SF3B2: variants seen among roughly 807,000 people sequenced by gnomAD.
SF3B2 encodes the protein SAP 145.
A neutral mutation model predicts 116.3 loss-of-function variants in SF3B2; 22 were observed. The observed-to-expected ratio is 0.19, with a 90% CI of 0.14 to 0.27. SF3B2 has a LOEUF of 0.27. SF3B2 is among the 10% of genes least tolerant of loss of function. The pLI is 1.00. For missense variants in SF3B2, 767 were observed against 1,151.4 expected, an observed-to-expected ratio of 0.67 and a Z score of 4.83; for synonymous variants, 406 against 421.6, an observed-to-expected ratio of 0.96 and a Z score of 0.45.
intron 21 of SF3B2, 41 bp downstream of exon 21, chr11:66,068,374 G>A: frequency 6.6e-7 from 1 of 1,507,186 alleles, no homozygotes; most frequent in Non-Finnish European, 8.8e-7. Context: ...GAGAGCCAGG[G>A]ACCCTGGCCT....
chr11:66,057,392 AT>A lies in SF3B2; in HGVS notation c.777+19del, dbSNP rs747292956. 8.8e-7 allele frequency: 1 copy of A among 1,133,930 alleles called. No homozygotes were observed. 70.2% of individuals were successfully genotyped at this position (1,133,930 alleles called of 1,614,324 possible). A position where few individuals can be genotyped will look rare whatever the true frequency, so the allele number is the denominator to read the frequency against. On this transcript the variant is annotated intron_variant, in intron 7 of 21. Transcript: ENST00000322535. ...AACAGAGAGGTGAGACTGATGATTT[AT>A]TCCTAGGGATAAGAGAGTGGTAGTT...
intron 5 of SF3B2, among the ~76,000 whole-genome samples, chr11:66,056,579 A>C (rs1236604671): frequency 6.6e-6 from 1 of 152,142 alleles, no homozygotes; most frequent in African/African-American, 2.4e-5. Flanking sequence ...TGTTTGGCTC[A>C]ATATGAAATT....
At position 66,058,129 on chromosome 11, in the gene SF3B2, G is replaced by C; in HGVS notation, c.853G>C (p.Glu285Gln). ...CCTGCAGCTGAAGGAGAGCCGCCAG[G>C]AAGAGATGAATTCTCAGCAGGGTGA... ...KILQLKESRQ[E>Q]EMNSQQEEEE... Residue 285 changes from glutamate to glutamine, a missense_variant, in exon 8 of 22, where the codon GAA becomes CAA. By Grantham distance (29) the Glu-to-Gln change is conservative. Coordinates refer to ENST00000322535, the MANE Select transcript of SF3B2 (RefSeq NM_006842.3). The C allele has an allele frequency of 6.2e-7, 1 of 1,609,360 alleles. No homozygotes were observed. Among genetic ancestry groups the C allele is most frequent in the South Asian group, 1.1e-5 (1 of 90,348 alleles).
At chr11:66,063,301 T>C in intron 17 of SF3B2, 99 bp from the exon 18 acceptor site, 3 of 1,216,602 alleles carry the variant, frequency 2.5e-6, no homozygotes, top group Non-Finnish European at 2.3e-6. Context: ...AGGTAGGGAT[T>C]ATTGTGTTTT....
chr11:66,060,399 G>A lies in SF3B2; in HGVS notation c.1630-183G>A, dbSNP rs142284023. Among the ~76,000 whole-genome samples, 379 of 152,310 alleles carry A rather than the reference G, an allele frequency of 2.5e-3. 2 individuals are homozygous for A. The highest frequency in any genetic ancestry group is 8.8e-3 in the African/African-American group (367 of 41,560). Reference sequence around the variant, plus strand: ...GATATACACGGCTGAGGCTGATATTGTATAGTCTGTTTTGTTCAGTATGGA... The same window carrying A: ...GATATACACGGCTGAGGCTGATATTATATAGTCTGTTTTGTTCAGTATGGA... On this transcript the variant is annotated intron_variant, in intron 13 of 21. Transcript: ENST00000322535.
In SF3B2 at chr11:66,057,916, G is replaced by A. The variant is rs575770587; in HGVS notation, c.778-138G>A. The A allele has an allele frequency of 1.4e-5, 9 of 632,102 alleles. No homozygotes were observed. The South Asian group carries it at 1.6e-4, about 11-fold the overall frequency. 39.2% of individuals were successfully genotyped at this position (632,102 alleles called of 1,614,324 possible). A position where few individuals can be genotyped will look rare whatever the true frequency, so the allele number is the denominator to read the frequency against. ...GAACCTGGGAGGCGGAGGTTGTGGTGGGCCGAGATCGCGCCATTGCACTCC... is the reference window on the plus strand; with the variant it reads ...GAACCTGGGAGGCGGAGGTTGTGGTAGGCCGAGATCGCGCCATTGCACTCC... On this transcript the variant is annotated intron_variant, in intron 7 of 21. Transcript: ENST00000322535.
Position 66,063,551 on chromosome 11 carries a change from A to T in SF3B2, c.2228+9A>T, listed in dbSNP as rs775856912. The T allele has an allele frequency of 6.2e-7, 1 of 1,612,770 alleles. No individual in the cohort carries two copies. The highest frequency in any genetic ancestry group is 2.2e-5 in the East Asian group (1 of 44,870). Reference sequence around the variant, plus strand: ...ATTACCCCTGCAGACAGGTGGGGGAAGCAGAGAATGCCTCTTGGAAGTGGG... The same window carrying T: ...ATTACCCCTGCAGACAGGTGGGGGATGCAGAGAATGCCTCTTGGAAGTGGG... On this transcript the variant is annotated intron_variant, in intron 18 of 21. Transcript: ENST00000322535.
chr11:66,055,355 C>T (rs1402399764), intron 4 of SF3B2, 40 bp downstream of exon 4: 1 of 1,597,968 alleles, frequency 6.3e-7, no homozygotes, highest in East Asian at 2.2e-5. Context: ...CTCATTAGGT[C>T]CCTGAAGGGG....
Position 66,052,655 on chromosome 11 carries a change from G to A in SF3B2, c.134-18G>A. 6.3e-7 allele frequency: 1 copy of A among 1,597,656 alleles called. No individual in the cohort carries two copies. The highest frequency in any genetic ancestry group is 8.5e-7 in the Non-Finnish European group (1 of 1,172,940). ...GCCGGGCTGGCCTGCCCCATTGATC[G>A]TGTACTTTGCCCTGCAGGTAATCGC... On this transcript the variant is annotated intron_variant, in intron 1 of 21. Coordinates refer to ENST00000322535, the MANE Select transcript of SF3B2 (RefSeq NM_006842.3).
At position 66,061,972 on chromosome 11, in the gene SF3B2, C is replaced by T; in HGVS notation, c.1951C>T (p.Pro651Ser). 1.2e-6 allele frequency: 2 copies of T among 1,613,522 alleles called. No individual in the cohort carries two copies. The highest frequency in any genetic ancestry group is 1.6e-4 in the Middle Eastern group (1 of 6,062). ...CCCATCGTATCCCAACCTGAAAATCCCTGGGCTGAACTCGCCCATCCCTGA... is the reference window on the plus strand; with the variant it reads ...CCCATCGTATCCCAACCTGAAAATCTCTGGGCTGAACTCGCCCATCCCTGA... ...PPPSYPNLKI[P>S]GLNSPIPESC... is the part of the protein sequence containing the mutation. The change falls in exon 16 of 22, where the codon CCT becomes TCT. Residue 651 changes from proline to serine, a missense_variant. Physicochemically the swap from Pro to Ser is moderately conservative, Grantham distance 74. Around this residue, in one of 4 missense-constraint regions of SF3B2, gnomAD observed 282 missense variants for 568.0 expected, o/e 0.50. Coordinates refer to ENST00000322535, the MANE Select transcript of SF3B2 (RefSeq NM_006842.3).
rs542236228 is a variant in SF3B2, at chr11:66,058,870, C to A, written c.1007C>A (p.Pro336His). 15 of 1,613,328 alleles carry A rather than the reference C, an allele frequency of 9.3e-6. No individual in the cohort carries two copies. The East Asian group carries it at 3.1e-4, about 34-fold the overall frequency. The change falls in exon 10 of 22, where the codon CCC becomes CAC. Residue 336 changes from proline to histidine, a missense_variant. Transcript: ENST00000322535. ...AGGAACCGAAAGAAGAAGAAAAAGCCCCAGCGGGTGCGAGGGGTGTCCTCT... is the reference window on the plus strand; with the variant it reads ...AGGAACCGAAAGAAGAAGAAAAAGCACCAGCGGGTGCGAGGGGTGTCCTCT... ...KRRNRKKKKK[P>H]QRVRGVSSES...
rs982775626 is a variant in SF3B2, at chr11:66,059,616, G to T, written c.1401+21G>T. ...AGCAGGTAAGACCTGAGAGGATCCT[G>T]CAGGCCCTGGAGCCCAGCTGGGAGA... On this transcript the variant is annotated intron_variant, in intron 12 of 21. Coordinates refer to ENST00000322535, the MANE Select transcript of SF3B2 (RefSeq NM_006842.3). The surrounding 1 kb of genome is among the most constrained non-coding windows in gnomAD (Gnocchi z 5.0). 20 of 1,612,924 alleles carry T rather than the reference G, an allele frequency of 1.2e-5. No homozygotes were observed. Among genetic ancestry groups the T allele is most frequent in the Non-Finnish European group, 1.7e-5 (20 of 1,179,040 alleles).
chr11:66,057,384 GA>G lies in SF3B2; in HGVS notation c.777+10del. 2 of 1,229,832 alleles carry G rather than the reference GA, an allele frequency of 1.6e-6. No individual in the cohort carries two copies. The highest frequency in any genetic ancestry group is 1.2e-6 in the Non-Finnish European group (1 of 833,952). The allele number at this position is 1,229,832 out of a possible 1,614,324, so 76.2% of individuals were successfully genotyped here. A position where few individuals can be genotyped will look rare whatever the true frequency, so the allele number is the denominator to read the frequency against. On this transcript the variant is annotated intron_variant, in intron 7 of 21. Coordinates refer to ENST00000322535, the MANE Select transcript of SF3B2 (RefSeq NM_006842.3). Reference sequence around the variant, plus strand: ...GAGATGAGAACAGAGAGGTGAGACTGATGATTTATTCCTAGGGATAAGAGAG... The same window carrying G: ...GAGATGAGAACAGAGAGGTGAGACTGTGATTTATTCCTAGGGATAAGAGAG...
Position 66,053,016 on chromosome 11 carries a change from C to T in SF3B2, c.181-11C>T. On this transcript the variant is annotated splice_polypyrimidine_tract_variant and intron_variant, in intron 2 of 21. Transcript: ENST00000322535. ...GTTTTGGACTGACCTAGAGTCCTTTCTCTTTTGCAGACTGGCATCGTGCTG... is the reference window on the plus strand; with the variant it reads ...GTTTTGGACTGACCTAGAGTCCTTTTTCTTTTGCAGACTGGCATCGTGCTG... The T allele has an allele frequency of 2.5e-6, 4 of 1,613,950 alleles. No individual in the cohort carries two copies. The highest frequency in any genetic ancestry group is 3.4e-6 in the Non-Finnish European group (4 of 1,179,842).
intron 5 of SF3B2, chr11:66,055,889 C>T (rs1456982970): frequency 1.4e-5 from 5 of 366,326 alleles, no homozygotes; most frequent in African/African-American, 4.2e-5. Flanking sequence ...AAAATATTTA[C>T]CTTCTGACCT....
Position 66,059,171 on chromosome 11 carries a change from G to T in SF3B2, c.1183-30G>T, listed in dbSNP as rs1260757389. The T allele has an allele frequency of 6.2e-7, 1 of 1,613,914 alleles. No individual in the cohort carries two copies. Among genetic ancestry groups the T allele is most frequent in the Non-Finnish European group, 8.5e-7 (1 of 1,179,938 alleles). On this transcript the variant is annotated intron_variant, in intron 10 of 21. Transcript: ENST00000322535. This position sits in a 1 kb window ranked among gnomAD's most constrained non-coding sequence, Gnocchi z 5.0. ...TAGGAACTGGGAAGGGGCTCAGAGG[G>T]CAGGGGTTTCACCTTGTCTGCCTCC...
chr11:66,063,479 A>C lies in SF3B2; in HGVS notation c.2165A>C (p.Glu722Ala). Residue 722 changes from glutamate to alanine, a missense_variant, in exon 18 of 22, where the codon GAG becomes GCG. By Grantham distance (107) the Glu-to-Ala change is moderately radical. Coordinates refer to ENST00000322535, the MANE Select transcript of SF3B2 (RefSeq NM_006842.3). The stretch of plus-strand genomic sequence containing the variant: ...TCTGATGAAGAATCCTCAGAAGAAG[A>C]GGAAGAGGAAGAAAGTGATGAAGAC... Reference protein sequence around the residue: ...EPSDEESSEEEEEEESDEDKP... With the variant: ...EPSDEESSEEAEEEESDEDKP... 1 of 1,614,178 alleles carries C rather than the reference A, an allele frequency of 6.2e-7. No homozygotes were observed. Among genetic ancestry groups the C allele is most frequent in the Non-Finnish European group, 8.5e-7 (1 of 1,179,994 alleles).
At chr11:66,052,820 A>G in intron 2 of SF3B2, 101 bp downstream of exon 2, 1 of 1,376,984 alleles carries the variant, frequency 7.3e-7, no homozygotes. Flanking sequence ...ATCTCGGCAC[A>G]GCAAGGCGGA....
Position 66,053,104 on chromosome 11 carries a change from G to A in SF3B2, c.258G>A (p.Gln86=). The A allele has an allele frequency of 6.2e-7, 1 of 1,613,710 alleles. No homozygotes were observed. Among genetic ancestry groups the A allele is most frequent in the South Asian group, 1.1e-5 (1 of 91,076 alleles). Residue 86 remains glutamine (Q), a splice_region_variant and synonymous_variant, in exon 3 of 22, where the codon CAG becomes CAA. Coordinates refer to ENST00000322535, the MANE Select transcript of SF3B2 (RefSeq NM_006842.3). ...CCGCTCCACCTCCCATGTCGGCACA[G>A]GTAGGGAGATTCTTCTGTTTTTTAA... ...DKAAPPPMSA[Q]LPGIPMPPPP... is the part of the protein sequence containing the mutation.
Sources: gnomAD v4.1 joint callset for allele counts (sites outside exome capture counted in the v4.1 genomes callset) on GRCh38, gnomAD v4.1.1 for gene constraint, gnomAD v4.1.1 regional missense constraint, Gnocchi (gnomAD v3.1) non-coding constraint, MANE v1.5 for transcripts, NCBI Gene and HGNC (gene_info 2026-07-23, HGNC 2026-07-21) for gene names.